Variants in KANSL1 observed in about 807,000 individuals in gnomAD.
KANSL1 encodes the protein KAT8 regulatory NSL complex subunit 1, also known as MLL1/MLL complex subunit KANSL1.
KANSL1 carries 22 observed loss-of-function variants against 103.6 expected under a neutral mutation model. That is an observed-to-expected ratio of 0.21 (90% CI 0.15 to 0.30). The LOEUF (loss-of-function observed/expected upper bound fraction) is 0.30, where lower values mean the gene tolerates loss of function less well. Among genes scored for constraint, KANSL1 ranks in the 10% least tolerant of loss-of-function variants. KANSL1 has a pLI of 1.00. For synonymous variants in KANSL1, 600 were observed against 527.6 expected, an observed-to-expected ratio of 1.14 and a Z score of -1.88; for missense variants, 1,337 against 1,399.8, an observed-to-expected ratio of 0.96 and a Z score of 0.72.
intron 1 of KANSL1, among the ~76,000 whole-genome samples, chr17:46,218,317 G>C (rs144210694): frequency 6.6e-6 from 1 of 152,196 alleles, no homozygotes; most frequent in Non-Finnish European, 1.5e-5. Flanking sequence ...AACACTCTGC[G>C]TGAATAAACT....
chr17:46,063,654 A>T (rs2078259011), intron 6 of KANSL1, among the ~76,000 whole-genome samples: 2 of 152,248 alleles, frequency 1.3e-5, no homozygotes, highest in Non-Finnish European at 2.9e-5. Context: ...GAACAAAAGG[A>T]TATTTAGTTT....
chr17:46,149,447 T>C (rs1462276631), intron 2 of KANSL1, among the ~76,000 whole-genome samples: 2 of 152,252 alleles, frequency 1.3e-5, no homozygotes, highest in African/African-American at 4.8e-5. Flanking sequence ...ACTTTTTCTG[T>C]AAAGGGCCAG....
chr17:46,225,058 G>C (rs1005525588), upstream of KANSL1, among the ~76,000 whole-genome samples: 1 of 151,494 alleles, frequency 6.6e-6, no homozygotes, highest in African/African-American at 2.4e-5. Context: ...CAGGCCCTCA[G>C]GCCAGTCGGC....
intron 2 of KANSL1, chr17:46,148,018 G>T (rs952760257): frequency 6.6e-6 from 1 of 152,210 alleles, no homozygotes; most frequent in African/African-American, 2.4e-5. Context: ...TAAAACAGAG[G>T]AGGTAGGGAC....
At chr17:46,089,156 T>G (rs1481103983) in intron 3 of KANSL1, among the ~76,000 whole-genome samples, 2 of 152,196 alleles carry the variant, frequency 1.3e-5, no homozygotes, top group African/African-American at 2.4e-5. Flanking sequence ...CGTTTCTCCT[T>G]CTAAAGCATG....
In KANSL1 at chr17:46,153,629, G is replaced by A. The variant is rs140847832; in HGVS notation, c.1289+17226C>T. Among the ~76,000 whole-genome samples, 436 of 152,282 alleles carry A rather than the reference G, an allele frequency of 2.9e-3. 1 individual carries two copies. Among genetic ancestry groups the A allele is most frequent in the Middle Eastern group, 6.8e-3 (2 of 294 alleles). ...GAAGGGCTGGCTACTTGGAGGTGAC[G>A]GAGTTAAAGATTTCATGAACCATCA... is the stretch of plus-strand genomic sequence containing the variant. On this transcript the variant is annotated intron_variant, in intron 2 of 14. Coordinates refer to ENST00000432791, the MANE Select transcript of KANSL1 (RefSeq NM_015443.4).
At chr17:46,109,606 G>C (rs546309903) in intron 2 of KANSL1, among the ~76,000 whole-genome samples, 1 of 152,108 alleles carries the variant, frequency 6.6e-6, no homozygotes, top group African/African-American at 2.4e-5. Flanking sequence ...TTCAGTTAAA[G>C]AATGACTGAG....
At chr17:46,219,715 C>G (rs1279998808) in intron 1 of KANSL1, among the ~76,000 whole-genome samples, 15 of 152,250 alleles carry the variant, frequency 9.9e-5, no homozygotes, top group Admixed American at 3.9e-4. Context: ...TAGAAATATA[C>G]ATCTATAAAT....
chr17:46,087,179 T>C (rs575151216), intron 3 of KANSL1, among the ~76,000 whole-genome samples: 2 of 152,332 alleles, frequency 1.3e-5, no homozygotes, highest in East Asian at 1.9e-4. Context: ...ACCAGAAGAA[T>C]GGAACTCTTC....
intron 2 of KANSL1, among the ~76,000 whole-genome samples, chr17:46,155,746 A>G (rs2045389296): frequency 6.6e-6 from 1 of 152,134 alleles, no homozygotes; most frequent in Non-Finnish European, 1.5e-5. Flanking sequence ...TCTAGTTCCT[A>G]CAGTCTATTA....
At chr17:46,150,714 C>T (rs2045041529) in intron 2 of KANSL1, among the ~76,000 whole-genome samples, 1 of 152,146 alleles carries the variant, frequency 6.6e-6, no homozygotes, top group Non-Finnish European at 1.5e-5. Flanking sequence ...CAGAGGGCAG[C>T]ATGGCAAAGT....
chr17:46,198,033 T>C (rs2047670723), upstream of KANSL1, among the ~76,000 whole-genome samples: 1 of 152,216 alleles, frequency 6.6e-6, no homozygotes, highest in Admixed American at 6.5e-5. Flanking sequence ...CCATTTAGTT[T>C]CAAAAGCACA....
intron 2 of KANSL1, among the ~76,000 whole-genome samples, chr17:46,139,896 T>A (rs545162336): frequency 1.1e-4 from 17 of 152,252 alleles, no homozygotes; most frequent in Non-Finnish European, 2.1e-4. Context: ...AAGGCAAAAA[T>A]TTTTAAAAAT....
chr17:46,158,889 C>T (rs2045581178), intron 2 of KANSL1, among the ~76,000 whole-genome samples: 1 of 152,216 alleles, frequency 6.6e-6, no homozygotes, highest in Non-Finnish European at 1.5e-5. Context: ...CTTGATTAAG[C>T]TAAAAAGATA....
intron 1 of KANSL1, among the ~76,000 whole-genome samples, chr17:46,202,560 T>G (rs1175210245): frequency 6.6e-6 from 1 of 152,232 alleles, no homozygotes; most frequent in African/African-American, 2.4e-5. Flanking sequence ...AACCCCTGAA[T>G]GTAATCCTTC....
chr17:46,067,969 T>G (rs1023109583), intron 4 of KANSL1, among the ~76,000 whole-genome samples: 1 of 149,778 alleles, frequency 6.7e-6, no homozygotes, highest in Non-Finnish European at 1.5e-5. Context: ...GAGAGAGAGG[T>G]TGACAGAGAG....
upstream of KANSL1, among the ~76,000 whole-genome samples, chr17:46,198,842 ATTAT>A (rs2047702336): frequency 2.6e-5 from 4 of 152,254 alleles, no homozygotes; most frequent in Admixed American, 6.5e-5. Flanking sequence ...TCTGAGAATG[ATTAT>A]TTACAATCAT....
At chr17:46,054,123 G>C (rs969852415) in intron 6 of KANSL1, among the ~76,000 whole-genome samples, 18 of 147,952 alleles carry the variant, frequency 1.2e-4, no homozygotes, top group Admixed American at 8.7e-4. Context: ...TCTCTTAAAA[G>C]AAAAAAAAAA....
chr17:46,109,139 A>T (rs1403575024), intron 2 of KANSL1, among the ~76,000 whole-genome samples: 1 of 152,022 alleles, frequency 6.6e-6, no homozygotes, highest in African/African-American at 2.4e-5. Context: ...ATAGAAATGG[A>T]GCCTCACGAT....
Sources: allele counts gnomAD v4.1 joint callset (sites outside exome capture counted in the v4.1 genomes callset), GRCh38; gene constraint gnomAD v4.1.1; transcripts MANE v1.5; gene names NCBI Gene and HGNC (gene_info 2026-07-23, HGNC 2026-07-21).